The following FUT8 variants were observed in gnomAD, a reference collection of about 807,000 sequenced individuals.
FUT8 encodes the protein alpha-(1,6)-fucosyltransferase.
In FUT8, 29 loss-of-function variants were observed where a neutral mutation model predicts 71.3. That is an observed-to-expected ratio of 0.41 (90% CI 0.30 to 0.55). The LOEUF is 0.55. Among genes scored for constraint, FUT8 ranks in the 20% least tolerant of loss-of-function variants. FUT8 has a pLI of 0.34. For missense variants in FUT8, 544 were observed against 702.1 expected (o/e 0.77, Z 2.55); for synonymous variants, 254 against 239.3 (o/e 1.06, Z -0.57).
chr14:65,393,951 C>T, the FUT8 span, among the ~76,000 whole-genome samples: 2 of 151,980 alleles, frequency 1.3e-5, no homozygotes, highest in Non-Finnish European at 2.9e-5. Flanking sequence ...GGGGGTTTCC[C>T]CTTATCATTA....
chr14:65,453,257 A>G (rs916266246), intron 1 of FUT8, among the ~76,000 whole-genome samples: 3 of 151,944 alleles, frequency 2.0e-5, no homozygotes, highest in Middle Eastern at 3.4e-3. Context: ...TCCTGTTGCA[A>G]CTTCTTGAGT....
At chr14:65,427,014 A>G (rs1396350182) in intron 1 of FUT8, among the ~76,000 whole-genome samples, 1 of 152,000 alleles carries the variant, frequency 6.6e-6, no homozygotes, top group Non-Finnish European at 1.5e-5. Context: ...GCCCGCTACC[A>G]TGCCCGGCTA....
intron 6 of FUT8, among the ~76,000 whole-genome samples, chr14:65,649,061 T>G (rs79650154): frequency 0.023 from 3,571 of 152,342 alleles, 113 homozygotes; most frequent in Admixed American, 0.095. Flanking sequence ...TCTTACACCT[T>G]TTATTCCTTT....
At chr14:65,427,523 G>A (rs1369820887) in intron 1 of FUT8, among the ~76,000 whole-genome samples, 2 of 152,090 alleles carry the variant, frequency 1.3e-5, no homozygotes, top group African/African-American at 4.8e-5. Flanking sequence ...GCATTTTTGT[G>A]ATGGTTCATC....
chr14:65,629,779 G>C (rs972989655), intron 6 of FUT8, among the ~76,000 whole-genome samples, 173 bp downstream of exon 6: 5 of 151,678 alleles, frequency 3.3e-5, no homozygotes, highest in African/African-American at 1.2e-4. Flanking sequence ...GGAATACAAA[G>C]ATGGCTAAAA....
At chr14:65,738,516 C>G (rs1896335399) in intron 10 of FUT8, among the ~76,000 whole-genome samples, 1 of 151,992 alleles carries the variant, frequency 6.6e-6, no homozygotes, top group Non-Finnish European at 1.5e-5. Flanking sequence ...AAAAATGATA[C>G]AGTGCCATGT....
intron 1 of FUT8, among the ~76,000 whole-genome samples, chr14:65,414,431 T>C (rs779927645): frequency 1.3e-5 from 2 of 152,226 alleles, no homozygotes; most frequent in Non-Finnish European, 2.9e-5. Context: ...ATATCAGATA[T>C]ATGAGAAATA....
intron 6 of FUT8, among the ~76,000 whole-genome samples, chr14:65,659,459 T>A (rs1891854081): frequency 6.6e-6 from 1 of 152,156 alleles, no homozygotes; most frequent in African/African-American, 2.4e-5. Flanking sequence ...CAAAACTGTG[T>A]AACTTAAAAC....
In FUT8 at chr14:65,413,183, A is replaced by C. The variant is rs2065163420; in HGVS notation, c.-357A>C. On this transcript the variant is annotated 5_prime_UTR_variant, in exon 1 of 11. Coordinates refer to ENST00000673929, the MANE Select transcript of FUT8 (RefSeq NM_001371533.1). The surrounding 1 kb of genome is among the most constrained non-coding windows in gnomAD (Gnocchi z 4.1). ...TGTGGCTTTGGCAGCTGCGACGGGGAGCGGCGGAGACCGCCTCTGCTCCCG... is the reference window on the plus strand; with the variant it reads ...TGTGGCTTTGGCAGCTGCGACGGGGCGCGGCGGAGACCGCCTCTGCTCCCG... The C allele has an allele frequency of 6.5e-6, 1 of 152,696 alleles. No individual in the cohort carries two copies. Among genetic ancestry groups the C allele is most frequent in the Non-Finnish European group, 1.5e-5 (1 of 68,264 alleles). The allele number at this position is 152,696 out of a possible 1,614,324, so 9.5% of individuals were successfully genotyped here.
At chr14:65,732,818 T>G (rs1218255982) in intron 9 of FUT8, among the ~76,000 whole-genome samples, 1 of 152,216 alleles carries the variant, frequency 6.6e-6, no homozygotes. Context: ...AAATCTGAAT[T>G]ATCAGAAATT....
Position 65,472,118 on chromosome 14 carries a change from C to T in FUT8, c.-228+16400C>T, listed in dbSNP as rs549088354. On this transcript the variant is annotated intron_variant, in intron 2 of 10. Coordinates refer to ENST00000673929, the MANE Select transcript of FUT8 (RefSeq NM_001371533.1). The surrounding 1 kb of genome is among the most constrained non-coding windows in gnomAD (Gnocchi z 4.4). ...AATTTATAAAGAGTTTGATTTACCG[C>T]ACAGTTCTGCAGGCTGTACAAGAAG... Among the ~76,000 whole-genome samples the T allele has an allele frequency of 7.2e-5, 11 of 152,218 alleles. 1 individual carries two copies. Among genetic ancestry groups the T allele is most frequent in the African/African-American group, 1.7e-4 (7 of 41,520 alleles).
the FUT8 span, among the ~76,000 whole-genome samples, chr14:65,368,050 C>CTTTTTTTTT: frequency 1.2e-5 from 1 of 85,814 alleles, no homozygotes; most frequent in East Asian, 3.9e-4. Context: ...GGCAAAATTA[C>CTTTTTTTTT]TTTTTTTTTT....
chr14:65,691,893 T>C (rs1253307092), intron 7 of FUT8, among the ~76,000 whole-genome samples: 1 of 152,250 alleles, frequency 6.6e-6, no homozygotes, highest in African/African-American at 2.4e-5. Context: ...ACACAGCTCA[T>C]GTTTCAGAGA....
At chr14:65,529,060 C>T in intron 2 of FUT8, 1 of 162,926 alleles carries the variant, frequency 6.1e-6, no homozygotes. Flanking sequence ...TTATTCACTT[C>T]TTTTTTCTCA....
chr14:65,557,336 CTT>C (rs561664750), intron 2 of FUT8, among the ~76,000 whole-genome samples: 12 of 142,656 alleles, frequency 8.4e-5, no homozygotes, highest in Non-Finnish European at 7.7e-5. Context: ...TCTCTCTCCC[CTT>C]TTTTTTTTTT....
chr14:65,501,438 G>T (rs551654928), intron 2 of FUT8, among the ~76,000 whole-genome samples: 1 of 152,232 alleles, frequency 6.6e-6, no homozygotes, highest in East Asian at 1.9e-4. Flanking sequence ...GGTACTTCCT[G>T]ACAGCTGTTG....
intron 2 of FUT8, among the ~76,000 whole-genome samples, chr14:65,505,416 C>T (rs539072931): frequency 1.3e-5 from 2 of 151,036 alleles, no homozygotes; most frequent in East Asian, 3.9e-4. Flanking sequence ...AGGTTCACGC[C>T]ATTCTCCTGC....
intron 2 of FUT8, among the ~76,000 whole-genome samples, chr14:65,556,024 A>G (rs1036968757): frequency 4.6e-5 from 7 of 152,368 alleles, no homozygotes; most frequent in Non-Finnish European, 5.9e-5. Flanking sequence ...TTGAATGCCT[A>G]TTCTGTGCCC....
chr14:65,686,926 G>A lies in FUT8; in HGVS notation c.835+17446G>A, dbSNP rs76667846. ...TTCTTCCCAGGTTGAGAAGTCTTAG[G>A]TAACCTGTGACTCATGCTTTAATTT... On this transcript the variant is annotated intron_variant, in intron 7 of 10. Coordinates refer to ENST00000673929, the MANE Select transcript of FUT8 (RefSeq NM_001371533.1). Among the ~76,000 whole-genome samples the A allele has an allele frequency of 5.8e-3, 877 of 152,244 alleles. 30 individuals carry two copies. In the East Asian group the frequency reaches 0.093, roughly 16 times the overall value.
Sources: allele counts gnomAD v4.1 joint callset (sites outside exome capture counted in the v4.1 genomes callset), GRCh38; gene constraint gnomAD v4.1.1; non-coding constraint Gnocchi (gnomAD v3.1); transcripts MANE v1.5; gene names NCBI Gene and HGNC (gene_info 2026-07-23, HGNC 2026-07-21).